BMP7: variants seen among roughly 807,000 people sequenced by gnomAD.
BMP7 encodes bone morphogenetic protein 7.
Under a neutral mutation model 41.2 loss-of-function variants are expected in BMP7, and 12 were observed. The ratio of observed to expected loss-of-function variants is 0.29; its 90% CI spans 0.19 to 0.47. The LOEUF is 0.47. BMP7 is among the 20% of genes least tolerant of loss of function. The pLI is 0.99. For missense variants in BMP7, 467 were observed against 606.0 expected (o/e 0.77, Z 2.41); for synonymous variants, 248 against 250.0 (o/e 0.99, Z 0.07).
chr20:57,247,982 T>A (rs574703518), intron 1 of BMP7, among the ~76,000 whole-genome samples: 1 of 152,216 alleles, frequency 6.6e-6, no homozygotes, highest in African/African-American at 2.4e-5. Flanking sequence ...TAGAGTTCTA[T>A]ATAGTCCTCA....
intron 4 of BMP7, 117 bp downstream of exon 4, chr20:57,183,605 G>A (rs770164581): frequency 7.4e-7 from 1 of 1,349,112 alleles, no homozygotes; most frequent in Non-Finnish European, 1.0e-6. Context: ...TGCTATATTT[G>A]TTCCAGAGCC....
At chr20:57,177,264 C>G (rs938208173) in intron 4 of BMP7, among the ~76,000 whole-genome samples, 2 of 152,178 alleles carry the variant, frequency 1.3e-5, no homozygotes, top group Non-Finnish European at 2.9e-5. Context: ...GCACAGGAGT[C>G]AGGAACTGGC....
chr20:57,234,112 C>T (rs993099430), intron 1 of BMP7, among the ~76,000 whole-genome samples: 2 of 152,144 alleles, frequency 1.3e-5, no homozygotes, highest in African/African-American at 4.8e-5. Flanking sequence ...GTATCTGTCT[C>T]TCTTGGAGAG....
chr20:57,206,862 C>T (rs1984744610), intron 2 of BMP7, among the ~76,000 whole-genome samples: 1 of 152,220 alleles, frequency 6.6e-6, no homozygotes, highest in African/African-American at 2.4e-5. Flanking sequence ...GTCTTGGTCC[C>T]AGAGGTTATG....
intron 3 of BMP7, 41 bp from the exon 4 acceptor site, chr20:57,183,960 G>C (rs778842133): frequency 6.2e-7 from 1 of 1,604,206 alleles, no homozygotes; most frequent in Non-Finnish European, 8.5e-7. Context: ...AGTAGTTACA[G>C]GAGGGCCACG....
intron 1 of BMP7, among the ~76,000 whole-genome samples, chr20:57,242,533 T>C (rs977376290): frequency 6.6e-6 from 1 of 152,192 alleles, no homozygotes; most frequent in Admixed American, 6.5e-5. Context: ...AAGCTGCTGA[T>C]ACTCTACCAG....
At chr20:57,211,049 G>A (rs1984867454) in intron 2 of BMP7, among the ~76,000 whole-genome samples, 1 of 152,176 alleles carries the variant, frequency 6.6e-6, no homozygotes, top group Non-Finnish European at 1.5e-5. Flanking sequence ...CAGGGAGCAG[G>A]CGCAAGCCAG....
Position 57,171,153 on chromosome 20 carries a change from T to G in BMP7, c.1147-45A>C, listed in dbSNP as rs867318694. Reference sequence around the variant, plus strand: ...ATGGGCAGTGGTGAGAAGCGGTGAGTCGTTCTAACTGGCCTCCACGTTTCT... The same window carrying G: ...ATGGGCAGTGGTGAGAAGCGGTGAGGCGTTCTAACTGGCCTCCACGTTTCT... On this transcript the variant is annotated intron_variant, in intron 6 of 6. Transcript: ENST00000395863. This position sits in a 1 kb window ranked among gnomAD's most constrained non-coding sequence, Gnocchi z 4.5. 2 of 1,612,894 alleles carry G rather than the reference T, an allele frequency of 1.2e-6. No individual in the cohort carries two copies. The highest frequency in any genetic ancestry group is 1.1e-5 in the South Asian group (1 of 90,908).
At chr20:57,263,737 C>T (rs900325119) in intron 1 of BMP7, among the ~76,000 whole-genome samples, 1 of 152,050 alleles carries the variant, frequency 6.6e-6, no homozygotes, top group Non-Finnish European at 1.5e-5. Context: ...CAGAGCTCTG[C>T]GTTCATTATT....
At chr20:57,263,227 A>T (rs1431559426) in intron 1 of BMP7, among the ~76,000 whole-genome samples, 1 of 152,234 alleles carries the variant, frequency 6.6e-6, no homozygotes, top group Non-Finnish European at 1.5e-5. Flanking sequence ...GCTAGACCTG[A>T]GAAAGTCAGG....
chr20:57,241,355 G>A (rs1468258623), intron 1 of BMP7, among the ~76,000 whole-genome samples: 1 of 152,312 alleles, frequency 6.6e-6, no homozygotes, highest in Non-Finnish European at 1.5e-5. Context: ...TCTCAGACTT[G>A]TAAATTTTGC....
At chr20:57,186,066 G>T (rs1368078911) in intron 3 of BMP7, among the ~76,000 whole-genome samples, 1 of 152,194 alleles carries the variant, frequency 6.6e-6, no homozygotes, top group African/African-American at 2.4e-5. Context: ...ATAAATGCTA[G>T]CTCAGGGCAG....
At chr20:57,252,385 G>T (rs1194498779) in intron 1 of BMP7, among the ~76,000 whole-genome samples, 1 of 152,216 alleles carries the variant, frequency 6.6e-6, no homozygotes, top group Non-Finnish European at 1.5e-5. Flanking sequence ...GGAGACACGG[G>T]AAAATATAGC....
intron 1 of BMP7, among the ~76,000 whole-genome samples, chr20:57,238,682 A>G (rs2066056881): frequency 6.6e-6 from 1 of 152,040 alleles, no homozygotes; most frequent in Non-Finnish European, 1.5e-5. Context: ...CTGCTGACAA[A>G]GACATACCCG....
chr20:57,193,895 T>C (rs1161044627), intron 3 of BMP7, among the ~76,000 whole-genome samples: 1 of 152,222 alleles, frequency 6.6e-6, no homozygotes, highest in Non-Finnish European at 1.5e-5. Flanking sequence ...ACCAGACCTT[T>C]GCTCCGATGG....
intron 3 of BMP7, among the ~76,000 whole-genome samples, chr20:57,187,554 CCTCTCTCTCTCT>C (rs140073062): frequency 4.9e-5 from 7 of 144,020 alleles, no homozygotes; most frequent in African/African-American, 1.8e-4. Context: ...GGAAGCCTGC[CCTCTCTCTCTCT>C]CTCTCTCTCT....
intron 1 of BMP7, among the ~76,000 whole-genome samples, chr20:57,246,043 G>A (rs2066089662): frequency 6.6e-6 from 1 of 152,102 alleles, no homozygotes; most frequent in Non-Finnish European, 1.5e-5. Flanking sequence ...AGTTACCGCT[G>A]GGTACAAGTA....
intron 1 of BMP7, among the ~76,000 whole-genome samples, chr20:57,230,864 G>T (rs1600635792): frequency 6.6e-6 from 1 of 151,768 alleles, no homozygotes; most frequent in Non-Finnish European, 1.5e-5. Context: ...TTTTAGTAGA[G>T]ATGGGATTTT....
At chr20:57,235,712 GTT>G (rs1015102446) in intron 1 of BMP7, among the ~76,000 whole-genome samples, 1 of 152,192 alleles carries the variant, frequency 6.6e-6, no homozygotes, top group African/African-American at 2.4e-5. Flanking sequence ...ATGCTGGGGA[GTT>G]TAGGTAAGAA....
Sources: allele counts gnomAD v4.1 joint callset (sites outside exome capture counted in the v4.1 genomes callset), GRCh38; gene constraint gnomAD v4.1.1; non-coding constraint Gnocchi (gnomAD v3.1); transcripts MANE v1.5; gene names NCBI Gene and HGNC (gene_info 2026-07-23, HGNC 2026-07-21).